Variants in PLXDC2 observed in about 807,000 individuals in gnomAD.
PLXDC2 encodes the protein plexin domain containing 2, also known as plexin domain-containing protein 2.
PLXDC2 carries 40 observed loss-of-function variants against 68.9 expected under a neutral mutation model. The ratio of observed to expected loss-of-function variants is 0.58; its 90% CI spans 0.45 to 0.76. The LOEUF is 0.76. Among genes scored for constraint, PLXDC2 ranks in the 30% least tolerant of loss-of-function variants. PLXDC2 has a pLI of 0.00. For missense variants in PLXDC2, 644 were observed against 661.9 expected (o/e 0.97, Z 0.30); for synonymous variants, 243 against 234.2 (o/e 1.04, Z -0.34).
intron 4 of PLXDC2, among the ~76,000 whole-genome samples, chr10:20,106,397 C>A (rs1250612743): frequency 6.6e-6 from 1 of 152,200 alleles, no homozygotes; most frequent in Non-Finnish European, 1.5e-5. Flanking sequence ...GGTTCCTAAG[C>A]AGGGGAATCC....
At position 19,994,037 on chromosome 10, in the gene PLXDC2, C is replaced by G. The variant is rs1381864638; in HGVS notation, c.113-7738C>G. ...AACTTAAAATTGTTCTTTTTTTCAT[C>G]TAGTTTCATAGCCTTTCAATCCCAC... is the stretch of plus-strand genomic sequence containing the variant. On this transcript the variant is annotated intron_variant, in intron 1 of 13. Transcript: ENST00000377252. Among the ~76,000 whole-genome samples, 8 of 152,182 alleles carry G rather than the reference C, an allele frequency of 5.3e-5. 2 individuals are homozygous for G. The highest frequency in any genetic ancestry group is 1.9e-4 in the African/African-American group (8 of 41,538).
chr10:19,912,104 C>T (rs954618597), intron 1 of PLXDC2, among the ~76,000 whole-genome samples: 1 of 152,120 alleles, frequency 6.6e-6, no homozygotes, highest in African/African-American at 2.4e-5. Context: ...AGACTTTGGA[C>T]GAACAGCCCT....
chr10:20,266,267 A>G (rs902009279), intron 13 of PLXDC2, among the ~76,000 whole-genome samples: 5 of 151,996 alleles, frequency 3.3e-5, no homozygotes, highest in Non-Finnish European at 7.4e-5. Flanking sequence ...ATTAAAAACC[A>G]TTGAAAATTT....
At chr10:20,199,763 A>G (rs1392346119) in intron 9 of PLXDC2, among the ~76,000 whole-genome samples, 5 of 151,986 alleles carry the variant, frequency 3.3e-5, no homozygotes, top group Admixed American at 6.6e-5. Context: ...ATGTGATTAT[A>G]AAAATTTCAG....
At chr10:19,934,571 G>T (rs1433321069) in intron 1 of PLXDC2, among the ~76,000 whole-genome samples, 1 of 152,184 alleles carries the variant, frequency 6.6e-6, no homozygotes, top group South Asian at 2.1e-4. Context: ...AATAGTCTTG[G>T]CCCGACTCCA....
intron 6 of PLXDC2, among the ~76,000 whole-genome samples, chr10:20,162,441 C>A (rs1249151693): frequency 6.6e-6 from 1 of 152,054 alleles, no homozygotes; most frequent in Non-Finnish European, 1.5e-5. Context: ...AAACTGAACT[C>A]ACAGAAGTTG....
intron 1 of PLXDC2, among the ~76,000 whole-genome samples, chr10:19,950,732 C>T (rs761135590): frequency 6.6e-5 from 10 of 152,128 alleles, no homozygotes; most frequent in Non-Finnish European, 1.3e-4. Flanking sequence ...GGAAACATCA[C>T]ATTACTTGAC....
At chr10:19,819,481 T>TG (rs11428332) in intron 1 of PLXDC2, among the ~76,000 whole-genome samples, 59,329 of 152,018 alleles carry the variant, frequency 0.39, 12,008 homozygotes, top group Middle Eastern at 0.45. Context: ...AAATTCAGTA[T>TG]GGGGGGAAAA....
intron 1 of PLXDC2, among the ~76,000 whole-genome samples, chr10:19,820,814 A>T (rs1422864075): frequency 6.6e-6 from 1 of 152,136 alleles, no homozygotes; most frequent in African/African-American, 2.4e-5. Context: ...ACGGCAGCTC[A>T]TGCCTGTAAT....
chr10:20,098,049 T>C (rs1261519064), intron 4 of PLXDC2, among the ~76,000 whole-genome samples: 1 of 151,732 alleles, frequency 6.6e-6, no homozygotes, highest in East Asian at 1.9e-4. Context: ...AAAATATTAC[T>C]CTCCTATCAG....
chr10:19,959,257 A>G lies in PLXDC2; in HGVS notation c.113-42518A>G, dbSNP rs148466229. Among the ~76,000 whole-genome samples the G allele has an allele frequency of 5.1e-4, 77 of 152,328 alleles. No homozygotes were observed. In the East Asian group the frequency reaches 0.013, roughly 27 times the overall value. On this transcript the variant is annotated intron_variant, in intron 1 of 13. Coordinates refer to ENST00000377252, the MANE Select transcript of PLXDC2 (RefSeq NM_032812.9). ...CTGTTGAATGATTTTTAAGGAAAGG[A>G]TAATAAAGATACCTGGAATGATTGT...
chr10:20,236,044 C>A (rs751716570), intron 12 of PLXDC2, among the ~76,000 whole-genome samples: 30 of 152,098 alleles, frequency 2.0e-4, no homozygotes, highest in Non-Finnish European at 3.2e-4. Context: ...AGTTTATTAA[C>A]CTCTTTGGTT....
chr10:19,946,853 C>G (rs117529864), intron 1 of PLXDC2, among the ~76,000 whole-genome samples: 2 of 151,912 alleles, frequency 1.3e-5, no homozygotes, highest in Non-Finnish European at 2.9e-5. Flanking sequence ...ATCGCTGATC[C>G]GACAGGAGGT....
At chr10:20,187,856 A>T (rs1005111359) in intron 9 of PLXDC2, among the ~76,000 whole-genome samples, 3 of 151,870 alleles carry the variant, frequency 2.0e-5, no homozygotes, top group African/African-American at 7.2e-5. Context: ...TGTATTTTAA[A>T]TGTCTTTCTA....
chr10:19,891,021 A>G (rs1837949948), intron 1 of PLXDC2, among the ~76,000 whole-genome samples: 1 of 151,930 alleles, frequency 6.6e-6, no homozygotes. Flanking sequence ...CTAACTTCTG[A>G]CCTCATTTCT....
At chr10:20,047,888 G>A (rs1427727451) in intron 3 of PLXDC2, among the ~76,000 whole-genome samples, 1 of 152,118 alleles carries the variant, frequency 6.6e-6, no homozygotes, top group African/African-American at 2.4e-5. Flanking sequence ...TGCTCAAATT[G>A]TGTGTGTAAA....
chr10:20,044,786 G>A (rs1324706995), intron 2 of PLXDC2, among the ~76,000 whole-genome samples: 2 of 152,068 alleles, frequency 1.3e-5, no homozygotes, highest in African/African-American at 2.4e-5. Flanking sequence ...TCCTTCTTAG[G>A]TTATCTGCTC....
At chr10:19,861,758 G>T (rs1261195468) in intron 1 of PLXDC2, among the ~76,000 whole-genome samples, 5 of 152,150 alleles carry the variant, frequency 3.3e-5, no homozygotes, top group Non-Finnish European at 5.9e-5. Flanking sequence ...CTCCACCTCA[G>T]CTAGAGTTGG....
At chr10:19,828,469 A>T (rs941876378) in intron 1 of PLXDC2, among the ~76,000 whole-genome samples, 1 of 152,236 alleles carries the variant, frequency 6.6e-6, no homozygotes, top group East Asian at 1.9e-4. Flanking sequence ...ATGACTGGCT[A>T]CGGCTCTGAA....
Sources: gnomAD v4.1 joint callset for allele counts (sites outside exome capture counted in the v4.1 genomes callset) on GRCh38, gnomAD v4.1.1 for gene constraint, MANE v1.5 for transcripts, NCBI Gene and HGNC (gene_info 2026-07-23, HGNC 2026-07-21) for gene names.